The following PRH1 variants were observed in gnomAD, a reference collection of about 807,000 sequenced individuals.
PRH1 encodes salivary acidic proline-rich phosphoprotein 1/2.
Under a neutral mutation model 7.9 loss-of-function variants are expected in PRH1, and 7 were observed. That is an observed-to-expected ratio of 0.89 (90% CI 0.50 to 1.67). The LOEUF (loss-of-function observed/expected upper bound fraction) is 1.67, where lower values mean the gene tolerates loss of function less well. PRH1 is among the 40% of genes most tolerant of loss of function. The probability of loss-of-function intolerance (pLI) is 0.00; values close to 1 mark genes in which losing one functional copy is unlikely to be tolerated. For synonymous variants in PRH1, 45 were observed against 80.8 expected, an observed-to-expected ratio of 0.56 and a Z score of 2.38; for missense variants, 109 against 223.6, an observed-to-expected ratio of 0.49 and a Z score of 3.27.
rs201184079 is a variant in PRH1, at chr12:11,168,372, GAAAGAAAGAAAGAAAGAAAGAA to G, written n.39+3028_39+3049del. On this transcript the variant is annotated intron_variant and non_coding_transcript_variant, in intron 1 of 1. Coordinates refer to the PRH1 transcript ENST00000541175. ...AAGAAAGGAAAGAAAAGAAAGAAAA[GAAAGAAAGAAAGAAAGAAAGAA>G]AGAAAGAAAGAAAGAAAGAAAGAAA... Among the ~76,000 whole-genome samples the G allele has an allele frequency of 3.9e-4, 2 of 5,104 alleles. 1 individual carries two copies. Among genetic ancestry groups the G allele is most frequent in the East Asian group, 0.037 (2 of 54 alleles). 3.3% of individuals were successfully genotyped at this position (5,104 alleles called of 152,430 possible).
rs78355905 is a variant in PRH1, at chr12:10,930,486, C to T, written c.-59+43169G>A. On this transcript the variant is annotated intron_variant, in intron 2 of 3. Coordinates refer to the PRH1 transcript ENST00000539853. ...ATGAGTAAAGAAATTTGATTTTTCA[C>T]CACCCTAATGTGGATTAAGAGGAGT... Among the ~76,000 whole-genome samples the T allele has an allele frequency of 1.2e-4, 18 of 151,780 alleles. No homozygotes were observed. In the East Asian group the frequency reaches 2.3e-3, roughly 20 times the overall value.
chr12:11,092,300 C>A (rs1217522838), intron 1 of PRH1: 9 of 1,027,700 alleles, frequency 8.8e-6, no homozygotes, highest in African/African-American at 1.7e-5. Context: ...CAGGTGGGTT[C>A]GTGGTCTCGC....
At chr12:10,997,919 T>C in intron 1 of PRH1, 1 of 1,244,090 alleles carries the variant, frequency 8.0e-7, no homozygotes, top group East Asian at 2.4e-5. Context: ...CTAATGTCAC[T>C]GATGGTGACT....
intron 1 of PRH1, among the ~76,000 whole-genome samples, chr12:11,042,077 C>T (rs946093076): frequency 3.3e-5 from 5 of 151,788 alleles, no homozygotes; most frequent in African/African-American, 1.2e-4. Context: ...ACTAGAAAAA[C>T]AAAAGTAACC....
At chr12:11,088,081 C>T (rs1269298775) in intron 1 of PRH1, among the ~76,000 whole-genome samples, 1 of 128,530 alleles carries the variant, frequency 7.8e-6, no homozygotes, top group African/African-American at 2.7e-5. Flanking sequence ...TGGCACATGA[C>T]TGTAATGCCA....
intron 1 of PRH1, among the ~76,000 whole-genome samples, chr12:11,086,905 C>G (rs1231290767): frequency 1.9e-5 from 2 of 105,758 alleles, no homozygotes; most frequent in African/African-American, 3.0e-5. Context: ...CGTGCAAACT[C>G]CATCTCAAAA....
At chr12:11,075,153 C>T (rs1868766) in intron 1 of PRH1, among the ~76,000 whole-genome samples, 24,284 of 92,946 alleles carry the variant, frequency 0.26, 4,370 homozygotes, top group Non-Finnish European at 0.35. Context: ...CTTTTCCATG[C>T]ATTTATAATA....
At chr12:10,881,927 TAG>T (rs926842338) in intron 3 of PRH1, among the ~76,000 whole-genome samples, 5 of 152,004 alleles carry the variant, frequency 3.3e-5, no homozygotes, top group Admixed American at 2.6e-4. Context: ...GGAAAGAAAA[TAG>T]AGAGAGCCAA....
Position 10,997,721 on chromosome 12 carries a change from G to A in PRH1, c.-125-24000C>T, listed in dbSNP as rs774756595. ...CCAGAGCAAACCAACTCTGGAGACT[G>A]CCAGAGCAGCAATAATTTGATCAGC... On this transcript the variant is annotated intron_variant, in intron 1 of 3. Transcript: ENST00000539853. The A allele has an allele frequency of 6.8e-6, 11 of 1,613,588 alleles. No individual in the cohort carries two copies. The East Asian group carries it at 1.1e-4, about 16-fold the overall frequency.
chr12:11,014,060 T>G (rs1045628425), intron 1 of PRH1, among the ~76,000 whole-genome samples: 1 of 152,160 alleles, frequency 6.6e-6, no homozygotes, highest in Non-Finnish European at 1.5e-5. Flanking sequence ...ACATTTGACA[T>G]TTGAAGGAAA....
intron 1 of PRH1, among the ~76,000 whole-genome samples, chr12:11,113,623 C>G (rs2264229): frequency 0.46 from 69,195 of 152,058 alleles, 16,554 homozygotes; most frequent in Non-Finnish European, 0.53. Context: ...TAGAAGAAAA[C>G]CTAGGCAATA....
intron 1 of PRH1, among the ~76,000 whole-genome samples, chr12:11,003,122 ATCTT>A (rs1386687193): frequency 6.6e-6 from 1 of 152,008 alleles, no homozygotes; most frequent in African/African-American, 2.4e-5. Context: ...TCCTGCTTAT[ATCTT>A]TCTTTTTTAA....
intron 1 of PRH1, chr12:10,996,974 G>A: frequency 2.2e-5 from 35 of 1,613,096 alleles, no homozygotes; most frequent in Non-Finnish European, 2.8e-5. Flanking sequence ...CTGTCCTTTT[G>A]CCCAGCAAGT....
intron 1 of PRH1, among the ~76,000 whole-genome samples, chr12:10,976,894 G>C (rs758710184): frequency 5.9e-5 from 9 of 151,992 alleles, no homozygotes; most frequent in South Asian, 2.1e-4. Flanking sequence ...ATAAACCGAT[G>C]ATGAGTTCCA....
intron 1 of PRH1, chr12:11,031,069 T>G (rs757124653): frequency 6.2e-7 from 1 of 1,614,304 alleles, no homozygotes; most frequent in South Asian, 1.1e-5. Flanking sequence ...GGCCGGTTAC[T>G]GCCCAGACAT....
At chr12:11,164,182 T>C (rs1947503867) in intron 1 of PRH1, among the ~76,000 whole-genome samples, 1 of 152,210 alleles carries the variant, frequency 6.6e-6, no homozygotes, top group Non-Finnish European at 1.5e-5. Context: ...AGATGAGCAT[T>C]GGAATCTGTA....
At chr12:11,098,180 C>T (rs1565651318) in intron 1 of PRH1, among the ~76,000 whole-genome samples, 1 of 143,204 alleles carries the variant, frequency 7.0e-6, no homozygotes, top group African/African-American at 2.5e-5. Flanking sequence ...GGAAGTCCAG[C>T]TGGCTTCACC....
intron 2 of PRH1, among the ~76,000 whole-genome samples, chr12:10,968,945 T>A (rs780876953): frequency 1.3e-5 from 2 of 152,240 alleles, no homozygotes; most frequent in African/African-American, 2.4e-5. Flanking sequence ...TTGAGGCGGC[T>A]GCCTCTTGCC....
rs61914782 is a variant in PRH1 at position 10,882,381 on chromosome 12, G to A, written c.418C>T (p.Arg140Cys). The change falls in exon 3 of 4, where the codon CGT (arginine) becomes TGT (cysteine). Residue 140 changes from arginine to cysteine, a missense_variant. Physicochemically the swap from Arg to Cys is radical, Grantham distance 180. Coordinates refer to ENST00000543626, the MANE Select transcript of PRH1 (RefSeq NM_001393989.1). ...CCTTGTGGCCTTCCTCGAGGAGGAC[G>A]GGGATGGCCTCCCTGTTGGGGTGGT... is the stretch of plus-strand genomic sequence containing the variant. Reference protein sequence around the residue: ...QGPPQQGGHPRPPRGRPQGPP... With the variant: ...QGPPQQGGHPCPPRGRPQGPP... 314,714 of 1,600,888 alleles carry A rather than the reference G, an allele frequency of 0.2. 12,111 individuals carry two copies. The highest frequency in any genetic ancestry group is 0.2 in the Non-Finnish European group (235,855 of 1,172,798).
Sources: gnomAD v4.1 joint callset for allele counts (sites outside exome capture counted in the v4.1 genomes callset) on GRCh38, gnomAD v4.1.1 for gene constraint, MANE v1.5 for transcripts, NCBI Gene and HGNC (gene_info 2026-07-23, HGNC 2026-07-21) for gene names.